TSPAN14: variants seen among roughly 807,000 people sequenced by gnomAD.
TSPAN14 encodes the protein tetraspanin-14.
A neutral mutation model predicts 36.6 loss-of-function variants in TSPAN14; 16 were observed. That is an observed-to-expected ratio of 0.44 (90% CI 0.30 to 0.66). The LOEUF is 0.66. Among genes scored for constraint, TSPAN14 ranks in the 30% least tolerant of loss-of-function variants. The probability of loss-of-function intolerance (pLI) is 0.12; values close to 1 mark genes in which losing one functional copy is unlikely to be tolerated. For synonymous variants in TSPAN14, 139 were observed against 143.8 expected (o/e 0.97, Z 0.24); for missense variants, 231 against 355.1 (o/e 0.65, Z 2.81).
intron 1 of TSPAN14, among the ~76,000 whole-genome samples, chr10:80,487,089 C>T (rs1416416360): frequency 6.6e-6 from 1 of 152,162 alleles, no homozygotes; most frequent in Non-Finnish European, 1.5e-5. Context: ...AACAAACCAA[C>T]CCAGTGCTTT....
At chr10:80,492,627 T>G (rs1294442627) in intron 2 of TSPAN14, among the ~76,000 whole-genome samples, 2 of 152,098 alleles carry the variant, frequency 1.3e-5, no homozygotes, top group Non-Finnish European at 1.5e-5. Context: ...CCATCCTGGC[T>G]AACACGGTGA....
At chr10:80,501,280 G>GA (rs1435287413) in intron 2 of TSPAN14, among the ~76,000 whole-genome samples, 4 of 124,178 alleles carry the variant, frequency 3.2e-5, no homozygotes, top group Non-Finnish European at 4.9e-5. Context: ...AATTTTTTTA[G>GA]AAAACCTTTT....
chr10:80,522,091 C>A (rs1340425274), exon 9 of TSPAN14: 1 of 152,096 alleles, frequency 6.6e-6, no homozygotes, highest in African/African-American at 2.4e-5. Context: ...TTCAGGGAGC[C>A]CAGCTTGGAG....
exon 2 of TSPAN14, chr10:80,489,259 C>T: frequency 6.3e-7 from 1 of 1,585,686 alleles, no homozygotes; most frequent in South Asian, 1.1e-5. Context: ...TACTCTAACG[C>T]CAAGGTCAGC....
At position 80,458,284 on chromosome 10, in the gene TSPAN14, G is replaced by A. The variant is rs924002729; in HGVS notation, c.-18+3913G>A. On this transcript the variant is annotated intron_variant, in intron 1 of 8. Transcript: ENST00000429989. The stretch of plus-strand genomic sequence containing the variant: ...CCACTGGGGATGGGATTGAGTGTGG[G>A]GCTAGATCCCTGGTCTGTAGAAGGG... Among the ~76,000 whole-genome samples the A allele has an allele frequency of 1.4e-4, 21 of 152,232 alleles. No individual in the cohort carries two copies. In the East Asian group the frequency reaches 2.9e-3, roughly 21 times the overall value.
At chr10:80,460,840 TC>T (rs1464044568) in intron 1 of TSPAN14, among the ~76,000 whole-genome samples, 14 of 152,152 alleles carry the variant, frequency 9.2e-5, no homozygotes, top group Non-Finnish European at 1.6e-4. Flanking sequence ...CAATTTGTGT[TC>T]CCTGCTCTCC....
At chr10:80,479,625 G>A (rs1847130820) in intron 1 of TSPAN14, among the ~76,000 whole-genome samples, 1 of 152,142 alleles carries the variant, frequency 6.6e-6, no homozygotes, top group South Asian at 2.1e-4. Flanking sequence ...TTATTTCTGA[G>A]GCCTCTGTTC....
chr10:80,460,100 G>T (rs932669756), intron 1 of TSPAN14, among the ~76,000 whole-genome samples: 6 of 152,304 alleles, frequency 3.9e-5, no homozygotes, highest in Middle Eastern at 3.4e-3. Flanking sequence ...TATTACGATA[G>T]ATGTAGGAAT....
intron 1 of TSPAN14, among the ~76,000 whole-genome samples, chr10:80,461,175 C>T (rs562277450): frequency 2.4e-4 from 37 of 152,238 alleles, no homozygotes; most frequent in Admixed American, 1.0e-3. Context: ...TCTTGAGGGC[C>T]GGCTCCCTCC....
intron 1 of TSPAN14, among the ~76,000 whole-genome samples, chr10:80,458,967 ATT>A (rs112143030): frequency 5.7e-5 from 8 of 140,958 alleles, no homozygotes; most frequent in African/African-American, 1.6e-4. Flanking sequence ...CAAGTCTTTG[ATT>A]TTTTTTTTTT....
chr10:80,470,643 T>A (rs1392560747), intron 1 of TSPAN14, among the ~76,000 whole-genome samples: 1 of 152,216 alleles, frequency 6.6e-6, no homozygotes, highest in Non-Finnish European at 1.5e-5. Flanking sequence ...GTAGGTCAAA[T>A]CCCTGCAGCC....
At chr10:80,473,688 T>G (rs1846688919) in intron 1 of TSPAN14, among the ~76,000 whole-genome samples, 1 of 141,456 alleles carries the variant, frequency 7.1e-6, no homozygotes, top group South Asian at 2.4e-4. Flanking sequence ...ATGATGGGTT[T>G]TTTTTTTTTT....
intron 1 of TSPAN14, among the ~76,000 whole-genome samples, chr10:80,487,188 C>T (rs1350760063): frequency 2.0e-5 from 3 of 152,190 alleles, no homozygotes; most frequent in Non-Finnish European, 4.4e-5. Context: ...TCTGCGAATC[C>T]GTGTGCTGCA....
At chr10:80,503,808 G>T (rs958669129) in intron 2 of TSPAN14, among the ~76,000 whole-genome samples, 1 of 152,128 alleles carries the variant, frequency 6.6e-6, no homozygotes, top group Non-Finnish European at 1.5e-5. Context: ...ATAGAGAAGC[G>T]TGGTCCTGTT....
chr10:80,474,219 A>G (rs1442530914), intron 1 of TSPAN14, among the ~76,000 whole-genome samples: 1 of 152,112 alleles, frequency 6.6e-6, no homozygotes, highest in African/African-American at 2.4e-5. Flanking sequence ...CTCAAAGGCC[A>G]GGTGGTGTTG....
At chr10:80,473,682 T>TG (rs76637927) in intron 1 of TSPAN14, among the ~76,000 whole-genome samples, 5 of 143,122 alleles carry the variant, frequency 3.5e-5, no homozygotes, top group African/African-American at 1.3e-4. Context: ...GCCACCATGA[T>TG]GGGTTTTTTT....
exon 9 of TSPAN14, chr10:80,522,369 G>T (rs1422749204): frequency 6.6e-6 from 1 of 152,060 alleles, no homozygotes; most frequent in Admixed American, 6.6e-5. Flanking sequence ...AAATTAGTCG[G>T]GCATGGTGAT....
In TSPAN14 at chr10:80,509,425, G is replaced by A. The variant is rs1224247953; in HGVS notation, c.404G>A (p.Arg135Gln). ...TTCGAGAGCAACATCAAGTCCTACC[G>A]GGACGATATCGATCTGCAAAACCTC... The change falls in exon 5 of 9, where the codon CGG (arginine) becomes CAG (glutamine). Residue 135 changes from arginine to glutamine, a missense_variant. By Grantham distance (43) the Arg-to-Gln change is conservative (BLOSUM62 1). Transcript: ENST00000429989. The surrounding 1 kb of genome is among the most constrained non-coding windows in gnomAD (Gnocchi z 4.7). The A allele has an allele frequency of 3.7e-6, 6 of 1,614,116 alleles. No individual in the cohort carries two copies. Among genetic ancestry groups the A allele is most frequent in the Non-Finnish European group, 5.1e-6 (6 of 1,180,020 alleles).
chr10:80,516,143 G>A lies in TSPAN14; in HGVS notation c.622-61G>A. The stretch of plus-strand genomic sequence containing the variant: ...CCTGCTCCTTACCAGAGCTCACTAG[G>A]GGATCAGGTGGGGACATCGTGTGTG... On this transcript the variant is annotated intron_variant, in intron 7 of 8. Coordinates refer to ENST00000429989, the Ensembl canonical transcript of TSPAN14. 6 of 1,610,820 alleles carry A rather than the reference G, an allele frequency of 3.7e-6. No homozygotes were observed. The East Asian group carries it at 8.9e-5, about 24-fold the overall frequency.
Sources: allele counts gnomAD v4.1 joint callset (sites outside exome capture counted in the v4.1 genomes callset), GRCh38; gene constraint gnomAD v4.1.1; non-coding constraint Gnocchi (gnomAD v3.1); transcripts MANE v1.5; gene names NCBI Gene and HGNC (gene_info 2026-07-23, HGNC 2026-07-21).